HSDL1: variants seen among roughly 807,000 people sequenced by gnomAD.
The protein encoded by HSDL1 is hydroxysteroid dehydrogenase like 1.
HSDL1 carries 29 observed loss-of-function variants against 31.5 expected under a neutral mutation model. The ratio of observed to expected loss-of-function variants is 0.92; its 90% CI spans 0.69 to 1.26. The LOEUF (loss-of-function observed/expected upper bound fraction) is 1.26. Among genes scored for constraint, HSDL1 ranks in the 50% most tolerant of loss-of-function variants. The pLI is 0.00. For synonymous variants in HSDL1, 222 were observed against 155.2 expected (o/e 1.43, Z -3.20); for missense variants, 503 against 416.6 (o/e 1.21, Z -1.81).
At chr16:84,129,015 G>C (rs908772090) in intron 5 of HSDL1, among the ~76,000 whole-genome samples, 3 of 152,042 alleles carry the variant, frequency 2.0e-5, no homozygotes, top group African/African-American at 7.2e-5. Flanking sequence ...AGCCAAAGTA[G>C]TATATTTCAC....
At chr16:84,143,839 A>AC (rs1567526621) in intron 1 of HSDL1, among the ~76,000 whole-genome samples, 6 of 151,740 alleles carry the variant, frequency 4.0e-5, no homozygotes, top group Admixed American at 3.9e-4. Context: ...TCTACTAAAA[A>AC]AAAAAAAAAA....
At chr16:84,125,035 C>G (rs2086591601) in intron 5 of HSDL1, 1 of 202,768 alleles carries the variant, frequency 4.9e-6, no homozygotes, top group Non-Finnish European at 9.9e-6. Flanking sequence ...AAACAAATAC[C>G]CACCAATCAC....
Position 84,122,278 on chromosome 16 carries a change from C to G in HSDL1, c.*2352G>C, listed in dbSNP as rs1434894937. On this transcript the variant is annotated 3_prime_UTR_variant, in exon 6 of 6. Transcript: ENST00000219439. The stretch of plus-strand genomic sequence containing the variant: ...CAAATTACAAACATCTGGAACAAAA[C>G]TCTTCCAAAGGAAACAAACAACTAC... 1 of 152,566 alleles carries G rather than the reference C, an allele frequency of 6.6e-6. No individual in the cohort carries two copies. Among genetic ancestry groups the G allele is most frequent in the African/African-American group, 2.4e-5 (1 of 41,432 alleles). 9.5% of individuals were successfully genotyped at this position (152,566 alleles called of 1,614,324 possible).
intron 2 of HSDL1, among the ~76,000 whole-genome samples, 192 bp from the exon 3 acceptor site, chr16:84,131,519 ATCTATCT>A (rs2086666646): frequency 1.1e-4 from 16 of 150,664 alleles, no homozygotes; most frequent in Non-Finnish European, 1.5e-4. Flanking sequence ...CTATCTATCT[ATCTATCT>A]ATCTATCAGA....
chr16:84,124,482 G>C lies in HSDL1; in HGVS notation c.*148C>G, dbSNP rs540179864. On this transcript the variant is annotated 3_prime_UTR_variant, in exon 6 of 6. Transcript: ENST00000219439. ...TAAGGTTTTTCACAGCACTCTGACG[G>C]TATTATGTGTGTTTTGCAAATGACG... 2 of 608,064 alleles carry C rather than the reference G, an allele frequency of 3.3e-6. No individual in the cohort carries two copies. The highest frequency in any genetic ancestry group is 3.7e-5 in the South Asian group (2 of 54,292). 37.7% of individuals were successfully genotyped at this position (608,064 alleles called of 1,614,324 possible).
Position 84,124,944 on chromosome 16 carries a change from CCAAT to C in HSDL1, c.895-220_895-217del, listed in dbSNP as rs774744340. The C allele has an allele frequency of 2.8e-4, 111 of 393,336 alleles. 2 individuals are homozygous for C. Among genetic ancestry groups the C allele is most frequent in the Non-Finnish European group, 4.2e-4 (88 of 211,436 alleles). 24.4% of individuals were successfully genotyped at this position (393,336 alleles called of 1,614,324 possible). A position where few individuals can be genotyped will look rare whatever the true frequency, so the allele number is the denominator to read the frequency against. On this transcript the variant is annotated intron_variant, in intron 5 of 5. Coordinates refer to ENST00000219439, the MANE Select transcript of HSDL1 (RefSeq NM_031463.5). ...ACCCACCAATCACAACAAATACCCA[CCAAT>C]CAATCATAACAAATACCCACCAATC...
rs370036175 is a variant in HSDL1, at chr16:84,137,613, A to G, written c.-68-2008T>C. ...GCCTCTGCTGCTCCTCAGCCTTGCC[A>G]GACACTTCACACATTCACTCACACC... On this transcript the variant is annotated intron_variant, in intron 1 of 5. Transcript: ENST00000219439. Among the ~76,000 whole-genome samples the G allele has an allele frequency of 1.9e-4, 29 of 152,362 alleles. No homozygotes were observed. In the South Asian group the frequency reaches 6.0e-3, roughly 32 times the overall value.
intron 1 of HSDL1, among the ~76,000 whole-genome samples, chr16:84,140,006 A>T (rs368252897): frequency 2.0e-5 from 3 of 152,062 alleles, no homozygotes; most frequent in Admixed American, 6.5e-5. Context: ...CCTCCGTTCA[A>T]TCACTTCCTA....
chr16:84,142,430 C>T (rs1162607743), intron 1 of HSDL1, among the ~76,000 whole-genome samples: 46 of 81,400 alleles, frequency 5.7e-4, no homozygotes, highest in South Asian at 1.0e-3. Context: ...TCTCACACAT[C>T]TTTTTTTTTT....
chr16:84,133,540 G>A (rs1311849076), intron 2 of HSDL1, among the ~76,000 whole-genome samples: 1 of 152,174 alleles, frequency 6.6e-6, no homozygotes, highest in Non-Finnish European at 1.5e-5. Context: ...GACCAGTCTG[G>A]CCAAGATGGT....
In HSDL1 at chr16:84,130,144, G is replaced by C. The variant is rs1567519808; in HGVS notation, c.508C>G (p.Leu170Val). Residue 170 changes from leucine to valine, a missense_variant, in exon 4 of 6, where the codon CTC becomes GTC. Transcript: ENST00000219439. ...QYFTQLSEDKLWDIINVNIAA... is the reference protein window; with the variant it reads ...QYFTQLSEDKVWDIINVNIAA... Reference sequence around the variant, plus strand: ...ATGTTCACATTTATGATGTCCCAGAGCTTGTCCTCGGACAGCTGAGTGAAA... The same window carrying C: ...ATGTTCACATTTATGATGTCCCAGACCTTGTCCTCGGACAGCTGAGTGAAA... 1.2e-6 allele frequency: 2 copies of C among 1,614,190 alleles called. No individual in the cohort carries two copies. Among genetic ancestry groups the C allele is most frequent in the Non-Finnish European group, 1.7e-6 (2 of 1,180,038 alleles).
chr16:84,122,207 T>A lies in HSDL1; in HGVS notation c.*2423A>T, dbSNP rs1207310045. 3 of 152,676 alleles carry A rather than the reference T, an allele frequency of 2.0e-5. No individual in the cohort carries two copies. In the East Asian group the frequency reaches 5.8e-4, roughly 29 times the overall value. 9.5% of individuals were successfully genotyped at this position (152,676 alleles called of 1,614,324 possible). A position where few individuals can be genotyped will look rare whatever the true frequency, so the allele number is the denominator to read the frequency against. ...TGTTGTTCATGTTAATTTCTTGCAA[T>A]CACTCCTAAGAAAAAAAAATTCTCT... On this transcript the variant is annotated 3_prime_UTR_variant, in exon 6 of 6. Transcript: ENST00000219439.
intron 1 of HSDL1, among the ~76,000 whole-genome samples, chr16:84,140,353 C>G (rs945641963): frequency 1.3e-5 from 2 of 152,170 alleles, no homozygotes; most frequent in African/African-American, 4.8e-5. Flanking sequence ...CAACCTCCGC[C>G]TCCTGGGTTC....
intron 5 of HSDL1, among the ~76,000 whole-genome samples, chr16:84,126,653 A>G (rs1261793932): frequency 6.6e-6 from 1 of 152,192 alleles, no homozygotes; most frequent in Non-Finnish European, 1.5e-5. Flanking sequence ...CTTGAACTGA[A>G]CTGATGAATG....
intron 2 of HSDL1, among the ~76,000 whole-genome samples, chr16:84,135,270 A>G (rs1400410933): frequency 6.6e-6 from 1 of 152,068 alleles, no homozygotes; most frequent in East Asian, 1.9e-4. Flanking sequence ...GAAAGAAAAA[A>G]CAGATACTAC....
intron 2 of HSDL1, 21 bp downstream of exon 2, chr16:84,135,523 C>T (rs1193650149): frequency 4.6e-5 from 7 of 152,200 alleles, no homozygotes. Context: ...TGTGGTCGTT[C>T]CCTGCCCTGG....
At position 84,130,295 on chromosome 16, in the gene HSDL1, A is replaced by T. The variant is rs140264337; in HGVS notation, c.357T>A (p.Thr119=). Residue 119 remains threonine (T), a synonymous_variant, in exon 4 of 6, where the codon ACT becomes ACA. Coordinates refer to ENST00000219439, the MANE Select transcript of HSDL1 (RefSeq NM_031463.5). The stretch of plus-strand genomic sequence containing the variant: ...TGCTGAAGTCCGCAACTATAATATC[A>T]GTTTCCACTTTGTACGTGTCGGCTA... ...KDIADTYKVE[T]DIIVADFSSG... The T allele has an allele frequency of 2.1e-5, 34 of 1,614,202 alleles. No homozygotes were observed. Among genetic ancestry groups the T allele is most frequent in the Non-Finnish European group, 2.8e-5 (33 of 1,180,052 alleles).
At chr16:84,138,805 G>C (rs1048427696) in intron 1 of HSDL1, among the ~76,000 whole-genome samples, 1 of 152,094 alleles carries the variant, frequency 6.6e-6, no homozygotes, top group Non-Finnish European at 1.5e-5. Flanking sequence ...AAACCTACAG[G>C]AAACGTTACA....
rs116520311 is a variant in HSDL1, at chr16:84,142,392, G to A, written c.-69+2688C>T. On this transcript the variant is annotated intron_variant, in intron 1 of 5. Transcript: ENST00000219439. Reference sequence around the variant, plus strand: ...TTCAGTTTAAGTCTTTAATCCTCCTGGCGTTTTGTGATGGTGTGAGGCTGG... The same window carrying A: ...TTCAGTTTAAGTCTTTAATCCTCCTAGCGTTTTGTGATGGTGTGAGGCTGG... Among the ~76,000 whole-genome samples, 1,042 of 150,652 alleles carry A rather than the reference G, an allele frequency of 6.9e-3. 11 individuals are homozygous for A. Among genetic ancestry groups the A allele is most frequent in the African/African-American group, 0.024 (987 of 40,942 alleles).
Sources: gnomAD v4.1 joint callset for allele counts (sites outside exome capture counted in the v4.1 genomes callset) on GRCh38, gnomAD v4.1.1 for gene constraint, MANE v1.5 for transcripts, NCBI Gene and HGNC (gene_info 2026-07-23, HGNC 2026-07-21) for gene names.